CTH: variants seen among roughly 807,000 people sequenced by gnomAD.
The protein encoded by CTH is cystathionine gamma-lyase, also known as cystathionase (cystathionine gamma-lyase).
Under a neutral mutation model 50.6 loss-of-function variants are expected in CTH, and 41 were observed. The observed-to-expected ratio is 0.81, with a 90% confidence interval of 0.63 to 1.05. CTH has a LOEUF of 1.05. CTH is among the 50% of genes least tolerant of loss of function. The pLI is 0.00. For missense variants in CTH, 470 were observed against 492.6 expected (o/e 0.95, Z 0.43); for synonymous variants, 156 against 168.9 (o/e 0.92, Z 0.59).
At chr1:70,423,150 A>G (rs1684265195) in intron 4 of CTH, among the ~76,000 whole-genome samples, 1 of 152,118 alleles carries the variant, frequency 6.6e-6, no homozygotes. Flanking sequence ...TAATTTTTAT[A>G]GATTCTTTAA....
intron 10 of CTH, among the ~76,000 whole-genome samples, chr1:70,436,595 A>G (rs542949027): frequency 4.3e-4 from 66 of 152,200 alleles, no homozygotes; most frequent in Non-Finnish European, 7.2e-4. Context: ...AGGTCCCACC[A>G]AAGTTTAGGC....
rs527851295 is a variant in CTH, at chr1:70,439,224, C to T, written c.*97C>T. ...AATGAGCCTTTGCAAAATTTTCAAG[C>T]GGAAATTTTAAGGCACCTCATTATC... On this transcript the variant is annotated 3_prime_UTR_variant, in exon 12 of 12. Coordinates refer to ENST00000370938, the MANE Select transcript of CTH (RefSeq NM_001902.6). 8.7e-5 allele frequency: 105 copies of T among 1,201,700 alleles called. No homozygotes were observed. Among genetic ancestry groups the T allele is most frequent in the South Asian group, 6.3e-4 (51 of 81,402 alleles). 74.4% of individuals were successfully genotyped at this position (1,201,700 alleles called of 1,614,324 possible).
intron 5 of CTH, among the ~76,000 whole-genome samples, chr1:70,425,783 G>A (rs954739192): frequency 3.3e-5 from 5 of 152,136 alleles, no homozygotes; most frequent in African/African-American, 1.2e-4. Context: ...ACTCACAATT[G>A]TGAGGACAGT....
Position 70,439,019 on chromosome 1 carries a change from T to C in CTH, c.1192-82T>C. On this transcript the variant is annotated intron_variant, in intron 11 of 11. Coordinates refer to ENST00000370938, the MANE Select transcript of CTH (RefSeq NM_001902.6). Reference sequence around the variant, plus strand: ...AGTGCATATTTAAAGGATGGTAGTATTCAGAAAAAGGACTTCTTGAGGAGT... The same window carrying C: ...AGTGCATATTTAAAGGATGGTAGTACTCAGAAAAAGGACTTCTTGAGGAGT... 2.0e-6 allele frequency: 3 copies of C among 1,534,022 alleles called. No homozygotes were observed. In the African/African-American group the frequency reaches 4.1e-5, roughly 21 times the overall value.
At chr1:70,414,901 C>A (rs925057313) in intron 1 of CTH, among the ~76,000 whole-genome samples, 1 of 152,034 alleles carries the variant, frequency 6.6e-6, no homozygotes, top group African/African-American at 2.4e-5. Flanking sequence ...CTCACTGCAA[C>A]CTCCGCATCC....
intron 1 of CTH, 51 bp downstream of exon 1, chr1:70,411,634 C>T (rs766556651): frequency 2.5e-6 from 4 of 1,580,910 alleles, no homozygotes; most frequent in East Asian, 2.3e-5. Flanking sequence ...AAAAGAGATA[C>T]GGCTTATGAA....
At position 70,416,992 on chromosome 1, in the gene CTH, C is replaced by A. The variant is rs530879283; in HGVS notation, c.251-945C>A. On this transcript the variant is annotated intron_variant, in intron 2 of 11. Transcript: ENST00000370938. ...ATAGATGTGAGCCACCACACTTGGC[C>A]TAAACTTGCTTATCCTCTGGTTTAT... 9.5e-4 allele frequency among the ~76,000 whole-genome samples: 144 copies of A among 152,256 alleles called. No individual in the cohort carries two copies. The Middle Eastern group carries it at 0.01, about 11-fold the overall frequency.
rs1387491839 is a variant in CTH at position 70,422,704 on chromosome 1, TG to T, written c.456+1032del. On this transcript the variant is annotated intron_variant, in intron 4 of 11. Transcript: ENST00000370938. ...CCAGCTCACTGCAAGCTCTGCCTCT[TG>T]GGTTCAAATGATTCTCCTGCCTCAG... 4.0e-5 allele frequency among the ~76,000 whole-genome samples: 6 copies of T among 151,788 alleles called. No individual in the cohort carries two copies. In the East Asian group the frequency reaches 9.7e-4, roughly 25 times the overall value.
intron 1 of CTH, among the ~76,000 whole-genome samples, chr1:70,412,544 G>A (rs1308341325): frequency 6.6e-6 from 1 of 152,212 alleles, no homozygotes; most frequent in East Asian, 1.9e-4. Flanking sequence ...AGGTTGCAGT[G>A]AGCCAAGATC....
intron 3 of CTH, among the ~76,000 whole-genome samples, chr1:70,420,221 A>T (rs1441848291): frequency 6.6e-6 from 1 of 151,944 alleles, no homozygotes; most frequent in Non-Finnish European, 1.5e-5. Flanking sequence ...CAAACTCCCG[A>T]CCTTAGGTGA....
chr1:70,424,312 C>A lies in CTH; in HGVS notation c.484C>A (p.Pro162Thr), dbSNP rs1463953425. ...TGTTTGGATCGAAACCCCCACAAAC[C>A]CCACCCAGAAGGTGATTGACATTGA... ...KLVWIETPTN[P>T]TQKVIDIEGC... Residue 162 changes from proline (P) to threonine (T), a missense_variant, in exon 5 of 12, where the codon CCC becomes ACC. Pro to Thr is a conservative substitution (Grantham distance 38). Coordinates refer to ENST00000370938, the MANE Select transcript of CTH (RefSeq NM_001902.6). The A allele has an allele frequency of 4.3e-6, 7 of 1,614,032 alleles. No homozygotes were observed. The highest frequency in any genetic ancestry group is 5.9e-6 in the Non-Finnish European group (7 of 1,179,992).
chr1:70,411,300 T>C lies in CTH; in HGVS notation c.-116T>C, dbSNP rs1051775795. ...TAGTGCGCTCGCCGTCGGCTCTACC[T>C]GCGTGCTTTAGCTCCTTCTCGCCTG... On this transcript the variant is annotated 5_prime_UTR_variant, in exon 1 of 12. Transcript: ENST00000370938. The C allele has an allele frequency of 1.3e-5, 14 of 1,061,154 alleles. No homozygotes were observed. In the African/African-American group the frequency reaches 1.4e-4, roughly 11 times the overall value. 65.7% of individuals were successfully genotyped at this position (1,061,154 alleles called of 1,614,324 possible). A position where few individuals can be genotyped will look rare whatever the true frequency, so the allele number is the denominator to read the frequency against.
intron 10 of CTH, among the ~76,000 whole-genome samples, chr1:70,437,803 T>G (rs1429252041): frequency 6.6e-6 from 1 of 152,222 alleles, no homozygotes; most frequent in African/African-American, 2.4e-5. Context: ...GTATTGATTT[T>G]GCTGGTGGTG....
chr1:70,431,967 C>T, intron 7 of CTH, 116 bp from the exon 8 acceptor site: 1 of 1,058,736 alleles, frequency 9.4e-7, no homozygotes, highest in Non-Finnish European at 1.5e-6. Context: ...TCCTAGAACT[C>T]AAACATTGAG....
intron 10 of CTH, among the ~76,000 whole-genome samples, chr1:70,436,401 G>GAT (rs1472562914): frequency 6.6e-6 from 1 of 151,998 alleles, no homozygotes; most frequent in Non-Finnish European, 1.5e-5. Context: ...AAGCATTCCT[G>GAT]ATATATATAT....
intron 10 of CTH, among the ~76,000 whole-genome samples, chr1:70,437,400 T>G (rs1399500343): frequency 6.6e-6 from 1 of 152,202 alleles, no homozygotes; most frequent in Non-Finnish European, 1.5e-5. Flanking sequence ...TTATATCCAA[T>G]TTTTATTCAT....
At chr1:70,425,602 A>G (rs2101744277) in intron 5 of CTH, among the ~76,000 whole-genome samples, 1 of 152,350 alleles carries the variant, frequency 6.6e-6, no homozygotes. Flanking sequence ...CAGGCTGTAC[A>G]GAAAGCATGA....
chr1:70,424,515 A>G, intron 5 of CTH, 99 bp downstream of exon 5: 1 of 1,569,970 alleles, frequency 6.4e-7, no homozygotes, highest in South Asian at 1.1e-5. Context: ...GATCAAATTC[A>G]TGAAATCTAA....
chr1:70,431,973 T>C (rs1684484431), intron 7 of CTH, 110 bp from the exon 8 acceptor site: 2 of 1,115,184 alleles, frequency 1.8e-6, no homozygotes, highest in Non-Finnish European at 2.7e-6. Context: ...AACTCAAACA[T>C]TGAGCTTTAC....
Sources: gnomAD v4.1 joint callset for allele counts (sites outside exome capture counted in the v4.1 genomes callset) on GRCh38, gnomAD v4.1.1 for gene constraint, MANE v1.5 for transcripts, NCBI Gene and HGNC (gene_info 2026-07-23, HGNC 2026-07-21) for gene names.